AFF3: variants seen among roughly 807,000 people sequenced by gnomAD.
AFF3 encodes the protein AF4/FMR2 family member 3.
AFF3 carries 32 observed loss-of-function variants against 129.7 expected under a neutral mutation model. That is an observed-to-expected ratio of 0.25 (90% CI 0.19 to 0.33). The LOEUF is 0.33. AFF3 is among the 10% of genes least tolerant of loss of function. AFF3 has a pLI of 1.00. For synonymous variants in AFF3, 644 were observed against 635.4 expected (o/e 1.01, Z -0.20); for missense variants, 1,373 against 1,592.0 (o/e 0.86, Z 2.34).
At chr2:99,754,982 A>C (rs1307885484) in intron 8 of AFF3, among the ~76,000 whole-genome samples, 1 of 152,108 alleles carries the variant, frequency 6.6e-6, no homozygotes, top group Non-Finnish European at 1.5e-5. Flanking sequence ...CTATGCTTGT[A>C]ATCAATCTTT....
chr2:99,692,395 T>C (rs1675758166), intron 11 of AFF3, among the ~76,000 whole-genome samples: 1 of 152,172 alleles, frequency 6.6e-6, no homozygotes, highest in African/African-American at 2.4e-5. Flanking sequence ...TCTCATCTTA[T>C]TAATGGCGGC....
At chr2:100,106,138 C>T (rs1691278541) in intron 2 of AFF3, 8 of 1,235,470 alleles carry the variant, frequency 6.5e-6, no homozygotes, top group Non-Finnish European at 8.4e-6. Flanking sequence ...TGAGAATGCT[C>T]AGCCTGGCTC....
intron 7 of AFF3, among the ~76,000 whole-genome samples, chr2:99,936,960 A>G (rs1333421199): frequency 6.6e-6 from 1 of 152,104 alleles, no homozygotes; most frequent in Non-Finnish European, 1.5e-5. Flanking sequence ...TGGTTTTTTC[A>G]TGGGTCCAAA....
chr2:99,657,862 T>C (rs1026178128), intron 12 of AFF3, among the ~76,000 whole-genome samples: 1 of 152,238 alleles, frequency 6.6e-6, no homozygotes, highest in African/African-American at 2.4e-5. Context: ...AGGTGGATTC[T>C]GTTATCAACA....
intron 2 of AFF3, chr2:100,107,591 C>T: frequency 1.2e-6 from 1 of 826,860 alleles, no homozygotes; most frequent in Non-Finnish European, 1.5e-6. Flanking sequence ...ATGCAAGCAA[C>T]ACCCCTGGGA....
intron 4 of AFF3, among the ~76,000 whole-genome samples, chr2:100,013,902 A>C (rs577484322): frequency 3.9e-5 from 6 of 152,302 alleles, no homozygotes; most frequent in Middle Eastern, 3.4e-3. Flanking sequence ...AGCGAGGGCT[A>C]CTGATGTCAC....
chr2:99,637,537 G>A (rs1461524747), intron 13 of AFF3, among the ~76,000 whole-genome samples: 1 of 152,162 alleles, frequency 6.6e-6, no homozygotes, highest in Non-Finnish European at 1.5e-5. Flanking sequence ...ATTAAAAAGG[G>A]GGGACTACCA....
intron 1 of AFF3, among the ~76,000 whole-genome samples, chr2:100,132,439 A>G (rs1008989137): frequency 2.0e-5 from 3 of 152,254 alleles, no homozygotes; most frequent in Admixed American, 1.3e-4. Context: ...AAGACAAAGA[A>G]TGTAGTTAAG....
At chr2:99,741,544 A>C (rs1680722017) in intron 10 of AFF3, among the ~76,000 whole-genome samples, 2 of 152,234 alleles carry the variant, frequency 1.3e-5, no homozygotes, top group South Asian at 2.1e-4. Flanking sequence ...GGAGAACTAC[A>C]AGCCACTGCT....
At chr2:99,762,696 T>C (rs1426272202) in intron 8 of AFF3, among the ~76,000 whole-genome samples, 1 of 152,232 alleles carries the variant, frequency 6.6e-6, no homozygotes, top group African/African-American at 2.4e-5. Context: ...TATGTGACTG[T>C]TGCCAGGATT....
intron 11 of AFF3, among the ~76,000 whole-genome samples, chr2:99,724,527 C>T (rs376822374): frequency 8.7e-4 from 132 of 152,122 alleles, no homozygotes; most frequent in Middle Eastern, 3.4e-3. Flanking sequence ...CCCACCTGGG[C>T]CTCCCAAAGT....
chr2:100,138,162 G>A lies in AFF3; in HGVS notation c.-228+4322C>T, dbSNP rs1382737523. 3.3e-5 allele frequency among the ~76,000 whole-genome samples: 5 copies of A among 152,124 alleles called. 1 individual carries two copies. The East Asian group carries it at 7.7e-4, about 23-fold the overall frequency. On this transcript the variant is annotated intron_variant, in intron 1 of 24. Transcript: ENST00000672756. The stretch of plus-strand genomic sequence containing the variant: ...ACTATCTTCCCTTCCTGTTACCACC[G>A]CAGTCTTCCTTCTGGGGATGCCTCA...
intron 20 of AFF3, among the ~76,000 whole-genome samples, chr2:99,562,888 G>A (rs1367458265): frequency 2.0e-5 from 3 of 152,170 alleles, no homozygotes; most frequent in Non-Finnish European, 4.4e-5. Context: ...TGGTTGATCT[G>A]GTGCCACCGG....
chr2:100,015,062 C>A (rs1023765997), intron 4 of AFF3, among the ~76,000 whole-genome samples: 2 of 151,708 alleles, frequency 1.3e-5, no homozygotes, highest in Non-Finnish European at 2.9e-5. Flanking sequence ...CCTTGGCCCC[C>A]CAAAGTGCTG....
chr2:99,960,209 C>A (rs1677087444), intron 7 of AFF3, among the ~76,000 whole-genome samples: 1 of 152,078 alleles, frequency 6.6e-6, no homozygotes, highest in African/African-American at 2.4e-5. Context: ...GAAAATGTAT[C>A]TTTTAAAAAT....
intron 11 of AFF3, among the ~76,000 whole-genome samples, chr2:99,674,499 G>C (rs771166123): frequency 1.3e-5 from 2 of 152,158 alleles, no homozygotes; most frequent in Non-Finnish European, 2.9e-5. Flanking sequence ...GACCAGAGAA[G>C]GGGACAGGTC....
intron 11 of AFF3, among the ~76,000 whole-genome samples, chr2:99,682,487 T>A (rs1489613412): frequency 3.3e-5 from 5 of 152,206 alleles, no homozygotes; most frequent in Non-Finnish European, 7.3e-5. Context: ...GTAGTTGTTT[T>A]GAGAAACCAC....
At chr2:99,953,731 C>T (rs779447250) in intron 7 of AFF3, among the ~76,000 whole-genome samples, 4 of 152,124 alleles carry the variant, frequency 2.6e-5, no homozygotes, top group South Asian at 2.1e-4. Flanking sequence ...AAGAAAATTA[C>T]GTGAAAATGA....
chr2:99,804,230 A>G (rs1686172322), intron 8 of AFF3, among the ~76,000 whole-genome samples: 1 of 152,210 alleles, frequency 6.6e-6, no homozygotes, highest in Admixed American at 6.5e-5. Flanking sequence ...CAACTCAAAC[A>G]AGTCAGCAAG....
Sources: allele counts gnomAD v4.1 joint callset (sites outside exome capture counted in the v4.1 genomes callset), GRCh38; gene constraint gnomAD v4.1.1; transcripts MANE v1.5; gene names NCBI Gene and HGNC (gene_info 2026-07-23, HGNC 2026-07-21).